Variants in HUNK observed in about 807,000 individuals in gnomAD.
HUNK encodes hormonally up-regulated neu tumor-associated kinase.
In HUNK, 21 loss-of-function variants were observed where a neutral mutation model predicts 61.0. The ratio of observed to expected loss-of-function variants is 0.34; its 90% CI spans 0.24 to 0.50. The LOEUF (loss-of-function observed/expected upper bound fraction) is 0.50, where lower values mean the gene tolerates loss of function less well. HUNK is among the 20% of genes least tolerant of loss of function. HUNK has a pLI of 0.98. For synonymous variants in HUNK, 371 were observed against 386.1 expected, an observed-to-expected ratio of 0.96 and a Z score of 0.46; for missense variants, 772 against 945.7, an observed-to-expected ratio of 0.82 and a Z score of 2.41.
intron 2 of HUNK, among the ~76,000 whole-genome samples, chr21:31,925,289 T>C (rs987774745): frequency 2.9e-4 from 44 of 152,228 alleles, no homozygotes; most frequent in Non-Finnish European, 1.0e-4. Flanking sequence ...CCTTGGTCTC[T>C]TAATCTGTAA....
chr21:31,986,984 G>T (rs1055807558), intron 8 of HUNK, among the ~76,000 whole-genome samples: 2 of 152,144 alleles, frequency 1.3e-5, no homozygotes, highest in African/African-American at 4.8e-5. Context: ...AGAAGAGTGG[G>T]CTCTGAGTCC....
At chr21:31,913,153 G>T (rs1282161080) in intron 1 of HUNK, among the ~76,000 whole-genome samples, 1 of 152,154 alleles carries the variant, frequency 6.6e-6, no homozygotes, top group Admixed American at 6.5e-5. Context: ...TACAGTGGAG[G>T]GTATCATAGC....
At chr21:31,979,408 C>G (rs9984004) in intron 7 of HUNK, among the ~76,000 whole-genome samples, 62,797 of 150,754 alleles carry the variant, frequency 0.42, 13,364 homozygotes, top group South Asian at 0.48. Flanking sequence ...TGAGCCACCG[C>G]GCCCGGCCCC....
In HUNK at chr21:31,984,478, A is replaced by G. The variant is rs573056701; in HGVS notation, c.1257+869A>G. Reference sequence around the variant, plus strand: ...GGCATCAGAAGAAAGTGAGATGAGGAACGCAAAAGTTTGGGATCAGGCAGG... The same window carrying G: ...GGCATCAGAAGAAAGTGAGATGAGGGACGCAAAAGTTTGGGATCAGGCAGG... On this transcript the variant is annotated intron_variant, in intron 8 of 10. Transcript: ENST00000270112. Among the ~76,000 whole-genome samples, 75 of 152,264 alleles carry G rather than the reference A, an allele frequency of 4.9e-4. 1 individual carries two copies. Among genetic ancestry groups the G allele is most frequent in the African/African-American group, 1.6e-3 (67 of 41,566 alleles).
At chr21:31,989,903 A>G (rs191895738) in intron 8 of HUNK, among the ~76,000 whole-genome samples, 15 of 152,168 alleles carry the variant, frequency 9.9e-5, no homozygotes, top group Non-Finnish European at 1.5e-4. Context: ...GCACTCCTCC[A>G]TACGGCATCT....
At chr21:31,960,858 C>G (rs1483998119) in intron 5 of HUNK, among the ~76,000 whole-genome samples, 1 of 152,158 alleles carries the variant, frequency 6.6e-6, no homozygotes, top group East Asian at 1.9e-4. Context: ...CCCAGTTTCC[C>G]CCAATAGTAA....
At chr21:31,989,961 T>G (rs1330360003) in intron 8 of HUNK, among the ~76,000 whole-genome samples, 168 bp from the exon 9 acceptor site, 1 of 152,050 alleles carries the variant, frequency 6.6e-6, no homozygotes, top group Non-Finnish European at 1.5e-5. Context: ...AGCACACGAG[T>G]TAGGACATCT....
At chr21:31,953,099 A>T (rs1276985547) in intron 4 of HUNK, among the ~76,000 whole-genome samples, 3 of 152,206 alleles carry the variant, frequency 2.0e-5, no homozygotes, top group African/African-American at 7.2e-5. Flanking sequence ...TACTTCTGAA[A>T]TGTCAGATGG....
intron 1 of HUNK, among the ~76,000 whole-genome samples, chr21:31,885,888 C>G (rs1276018864): frequency 1.3e-5 from 2 of 152,174 alleles, no homozygotes; most frequent in Non-Finnish European, 2.9e-5. Context: ...GCACGCGCCA[C>G]CATACCCACC....
At chr21:31,920,696 T>C (rs2052616676) in intron 1 of HUNK, among the ~76,000 whole-genome samples, 1 of 152,164 alleles carries the variant, frequency 6.6e-6, no homozygotes, top group Non-Finnish European at 1.5e-5. Flanking sequence ...CTTTACCTCC[T>C]GGGGGCTGAG....
chr21:31,900,632 A>G (rs996549824), intron 1 of HUNK, among the ~76,000 whole-genome samples: 18 of 152,156 alleles, frequency 1.2e-4, no homozygotes, highest in Non-Finnish European at 2.1e-4. Flanking sequence ...TCTTAACAAC[A>G]GCACTCTACT....
intron 9 of HUNK, among the ~76,000 whole-genome samples, chr21:31,995,252 G>A (rs2053196517): frequency 1.3e-5 from 2 of 151,986 alleles, no homozygotes; most frequent in Non-Finnish European, 2.9e-5. Context: ...AGGGTAGAAA[G>A]GGCTGGAAGC....
chr21:31,948,935 CTGCTTGTCAGCGAGGAGG>C (rs2052829198), intron 4 of HUNK, among the ~76,000 whole-genome samples: 1 of 152,222 alleles, frequency 6.6e-6, no homozygotes. Flanking sequence ...CTAAGAGGAC[CTGCTTGTCAGCGAGGAGG>C]TGAAACACGT....
rs553993228 is a variant in HUNK, at chr21:31,998,771, C to T, written c.1732C>T (p.His578Tyr). Residue 578 changes from histidine (H) to tyrosine (Y), a missense_variant, in exon 11 of 11, where the codon CAT becomes TAT. By Grantham distance (83) the His-to-Tyr change is moderately conservative. Around this residue, in one of 2 missense-constraint regions of HUNK, gnomAD observed 413 missense variants for 444.4 expected, o/e 0.93. Transcript: ENST00000270112. ...DDHVEVLSPS[H>Y]HYRILNSPVS... The stretch of plus-strand genomic sequence containing the variant: ...CCACGTAGAAGTGCTGTCTCCCTCT[C>T]ATCACTACAGGATTCTGAACTCCCC... The T allele has an allele frequency of 1.9e-6, 3 of 1,614,210 alleles. No individual in the cohort carries two copies. Among genetic ancestry groups the T allele is most frequent in the Admixed American group, 1.7e-5 (1 of 60,030 alleles).
chr21:31,892,396 G>A (rs2123793970), intron 1 of HUNK, among the ~76,000 whole-genome samples: 1 of 151,238 alleles, frequency 6.6e-6, no homozygotes, highest in South Asian at 2.1e-4. Context: ...TGAGACCTCT[G>A]CCTCTATAAG....
chr21:31,884,364 G>C (rs947299385), intron 1 of HUNK, among the ~76,000 whole-genome samples: 4 of 152,100 alleles, frequency 2.6e-5, no homozygotes, highest in Non-Finnish European at 5.9e-5. Flanking sequence ...GGGCGAGGTG[G>C]GTGGATCACT....
At chr21:31,970,241 G>A in intron 6 of HUNK, among the ~76,000 whole-genome samples, 1 of 152,184 alleles carries the variant, frequency 6.6e-6, no homozygotes, top group East Asian at 1.9e-4. Flanking sequence ...GCTTGGGATG[G>A]AAGCTCTAGA....
intron 1 of HUNK, among the ~76,000 whole-genome samples, chr21:31,889,016 G>T (rs1281710726): frequency 6.6e-6 from 1 of 152,042 alleles, no homozygotes; most frequent in Non-Finnish European, 1.5e-5. Context: ...TCTCTTTTGC[G>T]CTGGGGGCTG....
At chr21:31,954,684 A>T (rs1401417786) in intron 4 of HUNK, among the ~76,000 whole-genome samples, 1 of 152,216 alleles carries the variant, frequency 6.6e-6, no homozygotes, top group Non-Finnish European at 1.5e-5. Flanking sequence ...TTTTTTGAGT[A>T]CGCATCAGAA....
Sources: gnomAD v4.1 joint callset for allele counts (sites outside exome capture counted in the v4.1 genomes callset) on GRCh38, gnomAD v4.1.1 for gene constraint, gnomAD v4.1.1 regional missense constraint, MANE v1.5 for transcripts, NCBI Gene and HGNC (gene_info 2026-07-23, HGNC 2026-07-21) for gene names.